The following FGF14 variants were observed in gnomAD, a reference collection of about 807,000 sequenced individuals.
FGF14 encodes fibroblast growth factor 14.
A neutral mutation model predicts 25.5 loss-of-function variants in FGF14; 5 were observed. The ratio of observed to expected loss-of-function variants is 0.20; its 90% confidence interval spans 0.10 to 0.41. The LOEUF (loss-of-function observed/expected upper bound fraction) is 0.41, where lower values mean the gene tolerates loss of function less well. FGF14 is among the 10% of genes least tolerant of loss of function. The probability of loss-of-function intolerance (pLI) is 1.00; values close to 1 mark genes in which losing one functional copy is unlikely to be tolerated. For missense variants in FGF14, 222 were observed against 320.1 expected (o/e 0.69, Z 2.34); for synonymous variants, 138 against 118.3 (o/e 1.17, Z -1.08).
At chr13:101,921,928 G>A (rs1305864626), upstream of FGF14, among the ~76,000 whole-genome samples, 2 of 152,034 alleles carry the variant, frequency 1.3e-5, no homozygotes, top group Non-Finnish European at 2.9e-5. Flanking sequence ...CTGCTTTATG[G>A]TTCTACATAG....
intron 1 of FGF14, among the ~76,000 whole-genome samples, chr13:102,397,037 TTTGAAATATACTC>T (rs2058602033): frequency 6.6e-6 from 1 of 152,212 alleles, no homozygotes; most frequent in African/African-American, 2.4e-5. Context: ...GATGTTTTCA[TTTGAAATATACTC>T]AGTGTTTAGA....
intron 1 of FGF14, among the ~76,000 whole-genome samples, chr13:102,303,567 C>T (rs1038431829): frequency 2.6e-5 from 4 of 152,164 alleles, no homozygotes; most frequent in African/African-American, 9.7e-5. Context: ...CTATCAGGTT[C>T]ATTCAGTATT....
chr13:101,868,930 C>A, intron 2 of FGF14, 102 bp from the exon 3 acceptor site: 1 of 783,478 alleles, frequency 1.3e-6, no homozygotes, highest in Non-Finnish European at 2.2e-6. Context: ...ATCATCTTTG[C>A]CAATACTTTC....
Position 101,965,408 on chromosome 13 carries a change from T to C in FGF14, c.209-90112A>G, listed in dbSNP as rs149811229. Among the ~76,000 whole-genome samples, 34 of 152,246 alleles carry C rather than the reference T, an allele frequency of 2.2e-4. No homozygotes were observed. The Middle Eastern group carries it at 0.017, about 76-fold the overall frequency. ...AACTTCACAGTCTGCTCACTTACTA[T>C]ATAAAATGATGAAAAATTTAAATGT... is the stretch of plus-strand genomic sequence containing the variant. On this transcript the variant is annotated intron_variant, in intron 1 of 4. Coordinates refer to the FGF14 transcript ENST00000376131.
chr13:101,884,873 A>G (rs2045913228), intron 1 of FGF14, among the ~76,000 whole-genome samples: 2 of 149,118 alleles, frequency 1.3e-5, no homozygotes, highest in Non-Finnish European at 1.5e-5. Context: ...ATACATACAC[A>G]CACACACACA....
chr13:101,857,201 G>T (rs1471483616), intron 3 of FGF14, among the ~76,000 whole-genome samples: 1 of 151,970 alleles, frequency 6.6e-6, no homozygotes, highest in Admixed American at 6.6e-5. Flanking sequence ...CCCACATAAT[G>T]ATTTCTGCTA....
intron 3 of FGF14, among the ~76,000 whole-genome samples, chr13:101,789,953 GC>G (rs2040137349): frequency 6.7e-6 from 1 of 149,600 alleles, no homozygotes; most frequent in Non-Finnish European, 1.5e-5. Flanking sequence ...TTTCTTCATT[GC>G]AAATAATGTA....
intron 1 of FGF14, among the ~76,000 whole-genome samples, chr13:102,195,527 A>T (rs2049308991): frequency 6.6e-6 from 1 of 152,220 alleles, no homozygotes; most frequent in East Asian, 1.9e-4. Flanking sequence ...TTAAAATGTT[A>T]TACTAGAAAA....
chr13:102,363,711 T>C (rs542594119), intron 1 of FGF14, among the ~76,000 whole-genome samples: 3 of 152,374 alleles, frequency 2.0e-5, no homozygotes, highest in Admixed American at 1.3e-4. Flanking sequence ...GTCTCCATCA[T>C]CTGCCTGTGA....
At chr13:102,195,529 A>T (rs987887477) in intron 1 of FGF14, among the ~76,000 whole-genome samples, 1 of 152,062 alleles carries the variant, frequency 6.6e-6, no homozygotes, top group Non-Finnish European at 1.5e-5. Context: ...AAAATGTTAT[A>T]CTAGAAAACA....
At chr13:101,769,797 A>C (rs9518527) in intron 3 of FGF14, among the ~76,000 whole-genome samples, 140,297 of 152,136 alleles carry the variant, frequency 0.92, 65,807 homozygotes, top group East Asian at 1. Context: ...TTGCCAGGAA[A>C]TGGGGTGGGG....
intron 1 of FGF14, among the ~76,000 whole-genome samples, chr13:102,381,347 G>C (rs2058179010): frequency 6.6e-6 from 1 of 152,186 alleles, no homozygotes; most frequent in African/African-American, 2.4e-5. Context: ...AATATTAAGA[G>C]GTGGAGCCTC....
intron 1 of FGF14, among the ~76,000 whole-genome samples, chr13:101,990,677 A>G (rs1428650476): frequency 1.3e-5 from 2 of 152,076 alleles, no homozygotes; most frequent in Non-Finnish European, 2.9e-5. Context: ...CAGGCTCTCT[A>G]TGCACAGGTC....
intron 1 of FGF14, among the ~76,000 whole-genome samples, chr13:102,290,314 A>C (rs1041696773): frequency 6.6e-6 from 1 of 152,166 alleles, no homozygotes; most frequent in African/African-American, 2.4e-5. Context: ...GAGCCAGAGT[A>C]TGAGCCCTCA....
At chr13:101,960,978 G>T (rs1421109979) in intron 1 of FGF14, among the ~76,000 whole-genome samples, 2 of 152,044 alleles carry the variant, frequency 1.3e-5, no homozygotes, top group African/African-American at 4.8e-5. Flanking sequence ...TTTGTTGGCA[G>T]GATAAATGTC....
At chr13:102,325,283 G>C (rs1342266501) in intron 1 of FGF14, among the ~76,000 whole-genome samples, 1 of 151,982 alleles carries the variant, frequency 6.6e-6, no homozygotes, top group African/African-American at 2.4e-5. Flanking sequence ...AGAGCATCCT[G>C]TTAGATCAAG....
rs72647500 is a variant in FGF14 at position 102,368,559 on chromosome 13, C to G, written c.208+32912G>C. On this transcript the variant is annotated intron_variant, in intron 1 of 4. Coordinates refer to the FGF14 transcript ENST00000376131. ...TCAAAGCTCCAGAGTCCCTGAGAAG[C>G]TAACATACTGAGTTTATTTGATAAT... 4.5e-3 allele frequency among the ~76,000 whole-genome samples: 686 copies of G among 152,268 alleles called. 2 individuals are homozygous for G. Among genetic ancestry groups the G allele is most frequent in the Non-Finnish European group, 7.3e-3 (498 of 68,028 alleles).
chr13:102,359,798 T>C (rs1352373099), intron 1 of FGF14, among the ~76,000 whole-genome samples: 2 of 151,748 alleles, frequency 1.3e-5, no homozygotes, highest in African/African-American at 4.8e-5. Flanking sequence ...CATAATTCCA[T>C]TGGGAAACTA....
chr13:102,350,573 A>G (rs928455284), intron 1 of FGF14, among the ~76,000 whole-genome samples: 1 of 152,092 alleles, frequency 6.6e-6, no homozygotes, highest in African/African-American at 2.4e-5. Flanking sequence ...CCTCCTTAGC[A>G]AACTGCACAA....
Sources: allele counts gnomAD v4.1 joint callset (sites outside exome capture counted in the v4.1 genomes callset), GRCh38; gene constraint gnomAD v4.1.1; transcripts MANE v1.5; gene names NCBI Gene and HGNC (gene_info 2026-07-23, HGNC 2026-07-21).